Variants in UBR1 observed in about 807,000 individuals in gnomAD.
UBR1 encodes E3 ubiquitin-protein ligase UBR1.
In UBR1, 102 loss-of-function variants were observed where a neutral mutation model predicts 242.1. That is an observed-to-expected ratio of 0.42 (90% CI 0.36 to 0.50). The LOEUF (loss-of-function observed/expected upper bound fraction) is 0.50. Among genes scored for constraint, UBR1 ranks in the 20% least tolerant of loss-of-function variants. The pLI, the probability that UBR1 is intolerant of heterozygous loss-of-function variation, is 0.01. For synonymous variants in UBR1, 675 were observed against 684.8 expected, an observed-to-expected ratio of 0.99 and a Z score of 0.22; for missense variants, 1,772 against 2,101.8, an observed-to-expected ratio of 0.84 and a Z score of 3.07.
chr15:42,945,492 C>T lies in UBR1; in HGVS notation c.5109-22G>A, dbSNP rs532187057. On this transcript the variant is annotated intron_variant, in intron 46 of 46. Coordinates refer to ENST00000290650, the MANE Select transcript of UBR1 (RefSeq NM_174916.3). ...CCTCCTTTAGGGAAAAAAGAAAAAA[C>T]AACATGTAAGTTTGAATCTAGTAAC... 4 of 1,613,440 alleles carry T rather than the reference C, an allele frequency of 2.5e-6. No individual in the cohort carries two copies. In the South Asian group the frequency reaches 3.3e-5, roughly 13 times the overall value.
chr15:42,951,430 G>C (rs374934531), intron 45 of UBR1, among the ~76,000 whole-genome samples: 1 of 152,198 alleles, frequency 6.6e-6, no homozygotes, highest in South Asian at 2.1e-4. Context: ...CACCACGTTG[G>C]CCAGGCTGGT....
intron 29 of UBR1, among the ~76,000 whole-genome samples, chr15:43,014,681 A>T (rs540578468): frequency 6.8e-6 from 1 of 147,504 alleles, no homozygotes; most frequent in Non-Finnish European, 1.5e-5. Flanking sequence ...CCCTCCGCCC[A>T]GCAGCCACCC....
chr15:42,994,288 C>T (rs1220994399), intron 33 of UBR1, among the ~76,000 whole-genome samples: 1 of 148,664 alleles, frequency 6.7e-6, no homozygotes, highest in African/African-American at 2.5e-5. Context: ...TGGCTCACAC[C>T]TATAATCCAA....
intron 12 of UBR1, among the ~76,000 whole-genome samples, chr15:43,054,007 G>A (rs901279714): frequency 9.9e-5 from 15 of 152,130 alleles, no homozygotes; most frequent in African/African-American, 3.6e-4. Context: ...ACCCACAGAT[G>A]TGGAACCCAC....
chr15:42,965,117 T>A (rs2032084133), intron 41 of UBR1, among the ~76,000 whole-genome samples: 1 of 152,194 alleles, frequency 6.6e-6, no homozygotes, highest in Non-Finnish European at 1.5e-5. Flanking sequence ...GGCAATTACT[T>A]GGAAAGTGGA....
At chr15:42,958,757 A>G (rs1483917329) in intron 43 of UBR1, among the ~76,000 whole-genome samples, 2 of 152,176 alleles carry the variant, frequency 1.3e-5, no homozygotes, top group African/African-American at 4.8e-5. Flanking sequence ...CCTTGCTTGC[A>G]TGTATTGGGG....
rs78563306 is a variant in UBR1 at position 42,967,694 on chromosome 15, C to T, written c.4458-1408G>A. Among the ~76,000 whole-genome samples the T allele has an allele frequency of 4.2e-3, 641 of 151,540 alleles. 6 individuals carry two copies. Among genetic ancestry groups the T allele is most frequent in the East Asian group, 0.036 (187 of 5,168 alleles). On this transcript the variant is annotated intron_variant, in intron 40 of 46. Transcript: ENST00000290650. ...TCCCTAATGCAAGGTATTAATAATA[C>T]GGGAACTGGTAGGGGGAGGGAGCAA... is the stretch of plus-strand genomic sequence containing the variant.
At chr15:43,021,036 G>T in intron 27 of UBR1, 1 of 411,850 alleles carries the variant, frequency 2.4e-6, no homozygotes, top group East Asian at 5.3e-5. Context: ...AAGTGAGCAT[G>T]GCACATGGTA....
intron 1 of UBR1, among the ~76,000 whole-genome samples, chr15:43,103,314 T>G (rs952189954): frequency 6.6e-6 from 1 of 152,216 alleles, no homozygotes; most frequent in Non-Finnish European, 1.5e-5. Context: ...TGCAATGAGT[T>G]GTTTGTGCCA....
intron 5 of UBR1, among the ~76,000 whole-genome samples, chr15:43,069,208 T>C (rs2033792753): frequency 6.6e-6 from 1 of 152,084 alleles, no homozygotes; most frequent in African/African-American, 2.4e-5. Flanking sequence ...ACATAATATC[T>C]ACATTCAAGA....
chr15:42,961,800 A>G (rs2032024952), intron 42 of UBR1, among the ~76,000 whole-genome samples: 1 of 150,746 alleles, frequency 6.6e-6, no homozygotes, highest in Non-Finnish European at 1.5e-5. Flanking sequence ...TGTTGCCCAG[A>G]GTGGAGTCCA....
At chr15:42,948,948 T>G (rs2031782203) in intron 46 of UBR1, among the ~76,000 whole-genome samples, 1 of 152,146 alleles carries the variant, frequency 6.6e-6, no homozygotes, top group Non-Finnish European at 1.5e-5. Flanking sequence ...CAAAGGACTA[T>G]AAATCATGCT....
intron 20 of UBR1, among the ~76,000 whole-genome samples, chr15:43,030,616 C>T (rs116984741): frequency 5.4e-4 from 82 of 152,230 alleles, no homozygotes; most frequent in Non-Finnish European, 8.5e-4. Flanking sequence ...TGAAAATGCC[C>T]ACAAGGTCAG....
intron 42 of UBR1, among the ~76,000 whole-genome samples, chr15:42,962,662 G>A (rs1014395513): frequency 1.3e-5 from 2 of 152,072 alleles, no homozygotes; most frequent in Non-Finnish European, 2.9e-5. Context: ...GCTAATTTTT[G>A]TATTTTTAGT....
At position 43,002,808 on chromosome 15, in the gene UBR1, C is replaced by T; in HGVS notation, c.3510-104G>A. The T allele has an allele frequency of 6.4e-6, 9 of 1,403,256 alleles. No homozygotes were observed. In the South Asian group the frequency reaches 8.4e-5, roughly 13 times the overall value. 86.9% of individuals were successfully genotyped at this position (1,403,256 alleles called of 1,614,324 possible). On this transcript the variant is annotated intron_variant, in intron 31 of 46. Coordinates refer to ENST00000290650, the MANE Select transcript of UBR1 (RefSeq NM_174916.3). ...AAGTTTTAAAAATCTGGAATTTTTGCCCCAATAAACATCTTTAGAACATAC... is the reference window on the plus strand; with the variant it reads ...AAGTTTTAAAAATCTGGAATTTTTGTCCCAATAAACATCTTTAGAACATAC...
At chr15:43,065,033 T>C (rs1490785826) in intron 6 of UBR1, among the ~76,000 whole-genome samples, 2 of 152,238 alleles carry the variant, frequency 1.3e-5, no homozygotes, top group African/African-American at 4.8e-5. Flanking sequence ...TATTTAATAA[T>C]TGTTGTGAAA....
intron 27 of UBR1, among the ~76,000 whole-genome samples, chr15:43,019,233 T>A (rs1446809851): frequency 6.6e-6 from 1 of 151,888 alleles, no homozygotes; most frequent in Admixed American, 6.6e-5. Context: ...GGCTAATGTT[T>A]TTTGTATTTT....
chr15:43,073,602 T>C (rs554207543), intron 4 of UBR1, among the ~76,000 whole-genome samples: 1 of 152,364 alleles, frequency 6.6e-6, no homozygotes, highest in East Asian at 1.9e-4. Context: ...GTACAGCTAC[T>C]TGTCATTGTC....
At chr15:43,002,768 T>C in intron 31 of UBR1, 64 bp from the exon 32 acceptor site, 2 of 1,606,246 alleles carry the variant, frequency 1.2e-6, no homozygotes, top group Non-Finnish European at 1.7e-6. Context: ...TGTGTATCTC[T>C]ACTTGCTCTA....
Sources: gnomAD v4.1 joint callset for allele counts (sites outside exome capture counted in the v4.1 genomes callset) on GRCh38, gnomAD v4.1.1 for gene constraint, MANE v1.5 for transcripts, NCBI Gene and HGNC (gene_info 2026-07-23, HGNC 2026-07-21) for gene names.